LAMA2: variants seen among roughly 807,000 people sequenced by gnomAD.
The protein encoded by LAMA2 is laminin subunit alpha 2, also known as laminin subunit alpha-2.
LAMA2 carries 269 observed loss-of-function variants against 364.8 expected under a neutral mutation model. The observed-to-expected ratio is 0.74, with a 90% CI of 0.67 to 0.82. LAMA2 has a LOEUF of 0.82. Ranked by LOEUF, LAMA2 falls within the 40% of genes least tolerant of loss-of-function variation. The probability of loss-of-function intolerance (pLI) is 0.00; values close to 1 mark genes in which losing one functional copy is unlikely to be tolerated. For missense variants in LAMA2, 3,807 were observed against 3,873.2 expected (o/e 0.98, Z 0.45); for synonymous variants, 1,379 against 1,370.6 (o/e 1.01, Z -0.14).
intron 40 of LAMA2, among the ~76,000 whole-genome samples, chr6:129,404,866 A>G (rs1780164669): frequency 6.6e-6 from 1 of 152,036 alleles, no homozygotes; most frequent in South Asian, 2.1e-4. Context: ...TTTAGGGGAT[A>G]TTAGAGATAT....
chr6:129,021,001 A>C (rs769204081), intron 1 of LAMA2, among the ~76,000 whole-genome samples: 5 of 152,248 alleles, frequency 3.3e-5, no homozygotes, highest in Non-Finnish European at 5.9e-5. Flanking sequence ...TATGTCTCTT[A>C]ATATAATCAC....
At chr6:129,325,742 A>C (rs183391951) in intron 28 of LAMA2, among the ~76,000 whole-genome samples, 43 of 152,300 alleles carry the variant, frequency 2.8e-4, no homozygotes, top group Non-Finnish European at 4.4e-4. Context: ...CTGGGTCTCA[A>C]AGTAACTTGC....
intron 35 of LAMA2, among the ~76,000 whole-genome samples, chr6:129,385,104 A>G (rs1202614868): frequency 1.9e-4 from 13 of 67,596 alleles, no homozygotes; most frequent in African/African-American, 7.3e-4. Flanking sequence ...AAAAGGAAGG[A>G]AGGGAGGGAG....
intron 1 of LAMA2, among the ~76,000 whole-genome samples, chr6:128,988,703 TCTTAA>T (rs1320712386): frequency 5.3e-5 from 8 of 152,344 alleles, no homozygotes; most frequent in South Asian, 2.1e-4. Context: ...GAAATTTAGT[TCTTAA>T]CTTTTATTTT....
At chr6:129,138,930 A>G (rs1777960003) in intron 4 of LAMA2, among the ~76,000 whole-genome samples, 1 of 152,062 alleles carries the variant, frequency 6.6e-6, no homozygotes, top group Non-Finnish European at 1.5e-5. Flanking sequence ...GGGGATTGAG[A>G]AGGAGTAGCT....
intron 4 of LAMA2, among the ~76,000 whole-genome samples, chr6:129,130,919 G>C (rs555096952): frequency 6.6e-6 from 1 of 152,262 alleles, no homozygotes; most frequent in South Asian, 2.1e-4. Flanking sequence ...AGCCAGTTTA[G>C]AAATGAAAAC....
At chr6:129,010,708 G>A (rs550877355) in intron 1 of LAMA2, among the ~76,000 whole-genome samples, 8 of 152,244 alleles carry the variant, frequency 5.3e-5, no homozygotes, top group South Asian at 2.1e-4. Context: ...ATTATTTGTC[G>A]TGGTAACACA....
At chr6:129,432,307 A>G (rs9492323) in intron 41 of LAMA2, among the ~76,000 whole-genome samples, 9,918 of 152,284 alleles carry the variant, frequency 0.065, 416 homozygotes, top group Middle Eastern at 0.13. Context: ...AGAAAAAACA[A>G]TAAGTGGCAA....
At chr6:129,481,205 G>C in intron 54 of LAMA2, 58 bp from the exon 55 acceptor site, 1 of 1,360,798 alleles carries the variant, frequency 7.3e-7, no homozygotes, top group Non-Finnish European at 1.1e-6. Flanking sequence ...GTGAGATGGA[G>C]AACTTATTTA....
chr6:129,076,174 G>C (rs561762030), intron 3 of LAMA2, among the ~76,000 whole-genome samples: 1 of 151,894 alleles, frequency 6.6e-6, no homozygotes, highest in African/African-American at 2.4e-5. Flanking sequence ...CACTGGGAAA[G>C]AGACTGTACT....
chr6:129,293,567 A>G (rs116154086), intron 20 of LAMA2, among the ~76,000 whole-genome samples: 2,267 of 152,346 alleles, frequency 0.015, 65 homozygotes, highest in African/African-American at 0.052. Context: ...TTCACACACT[A>G]TAAATGGACA....
intron 36 of LAMA2, among the ~76,000 whole-genome samples, chr6:129,392,262 T>C (rs1464938871): frequency 6.6e-6 from 1 of 152,200 alleles, no homozygotes; most frequent in Non-Finnish European, 1.5e-5. Flanking sequence ...TCTACATTCA[T>C]AGTCAGCTAA....
At chr6:129,147,117 T>C (rs1778505458) in intron 6 of LAMA2, 69 bp downstream of exon 6, 2 of 997,190 alleles carry the variant, frequency 2.0e-6, no homozygotes, top group East Asian at 2.4e-5. Context: ...TGACAGTCTT[T>C]GCTGACAGAG....
At chr6:128,971,412 A>C (rs1782178256) in intron 1 of LAMA2, among the ~76,000 whole-genome samples, 1 of 152,010 alleles carries the variant, frequency 6.6e-6, no homozygotes, top group Non-Finnish European at 1.5e-5. Flanking sequence ...ACCAACATGG[A>C]GAACTTAAGC....
At chr6:129,368,683 G>A (rs1183947667) in intron 33 of LAMA2, among the ~76,000 whole-genome samples, 1 of 152,216 alleles carries the variant, frequency 6.6e-6, no homozygotes, top group Non-Finnish European at 1.5e-5. Flanking sequence ...AAGGGATTCA[G>A]TGACCCATCC....
chr6:129,193,987 A>G (rs11963232), intron 12 of LAMA2, among the ~76,000 whole-genome samples: 11,656 of 152,238 alleles, frequency 0.077, 702 homozygotes, highest in African/African-American at 0.17. Context: ...GACATTTTCA[A>G]TGAACATGTA....
intron 40 of LAMA2, among the ~76,000 whole-genome samples, chr6:129,426,781 T>G (rs1781346497): frequency 6.6e-6 from 1 of 152,236 alleles, no homozygotes; most frequent in African/African-American, 2.4e-5. Context: ...TACCAAGTTC[T>G]GTAATCTTTT....
intron 62 of LAMA2, among the ~76,000 whole-genome samples, chr6:129,508,675 C>G (rs534239607): frequency 6.6e-6 from 1 of 152,198 alleles, no homozygotes; most frequent in East Asian, 1.9e-4. Context: ...CAAGAACCAC[C>G]CATGTTGTTG....
chr6:129,330,181 AATAG>A (rs1199060714), intron 29 of LAMA2, among the ~76,000 whole-genome samples: 8 of 151,982 alleles, frequency 5.3e-5, no homozygotes, highest in African/African-American at 1.9e-4. Context: ...ATGTAATAAT[AATAG>A]ATAGTAATAA....
Sources: allele counts gnomAD v4.1 joint callset (sites outside exome capture counted in the v4.1 genomes callset), GRCh38; gene constraint gnomAD v4.1.1; transcripts MANE v1.5; gene names NCBI Gene and HGNC (gene_info 2026-07-23, HGNC 2026-07-21).